ARHGAP15: variants seen among roughly 807,000 people sequenced by gnomAD.
The protein encoded by ARHGAP15 is rho GTPase-activating protein 15.
In ARHGAP15, 51 loss-of-function variants were observed where a neutral mutation model predicts 63.7. The observed-to-expected ratio is 0.80, with a 90% CI of 0.64 to 1.01. ARHGAP15 has a LOEUF of 1.01. Among genes scored for constraint, ARHGAP15 ranks in the 50% least tolerant of loss-of-function variants. The pLI is 0.00. For missense variants in ARHGAP15, 560 were observed against 564.6 expected (o/e 0.99, Z 0.08); for synonymous variants, 191 against 193.8 (o/e 0.99, Z 0.12).
chr2:143,429,548 T>C (rs985975870), intron 6 of ARHGAP15, among the ~76,000 whole-genome samples: 1 of 152,136 alleles, frequency 6.6e-6, no homozygotes, highest in African/African-American at 2.4e-5. Context: ...GCAGGTTATT[T>C]TGATATGATG....
intron 9 of ARHGAP15, among the ~76,000 whole-genome samples, chr2:143,494,398 CTG>C (rs1011228145): frequency 2.3e-4 from 35 of 152,228 alleles, no homozygotes; most frequent in East Asian, 3.9e-4. Flanking sequence ...AAAACAAAAA[CTG>C]TGTTGACCAC....
At chr2:143,455,416 G>A (rs1690602365) in intron 8 of ARHGAP15, among the ~76,000 whole-genome samples, 1 of 152,022 alleles carries the variant, frequency 6.6e-6, no homozygotes, top group Non-Finnish European at 1.5e-5. Flanking sequence ...AGGTCTTTGT[G>A]ACCTATACCT....
intron 13 of ARHGAP15, among the ~76,000 whole-genome samples, chr2:143,742,173 C>G (rs892862663): frequency 1.7e-4 from 26 of 152,194 alleles, no homozygotes; most frequent in South Asian, 4.1e-4. Flanking sequence ...AAAAGGAAAT[C>G]ACACTAATTA....
intron 8 of ARHGAP15, among the ~76,000 whole-genome samples, chr2:143,447,545 C>T (rs941264941): frequency 2.6e-5 from 4 of 152,098 alleles, no homozygotes; most frequent in Admixed American, 6.6e-5. Context: ...TCCTAGCTGA[C>T]CTAGCTTCAG....
At chr2:143,427,336 C>T (rs1198865320) in intron 6 of ARHGAP15, among the ~76,000 whole-genome samples, 1 of 152,102 alleles carries the variant, frequency 6.6e-6, no homozygotes, top group Admixed American at 6.6e-5. Flanking sequence ...GTAACTACTA[C>T]CTCCTCCCAC....
intron 12 of ARHGAP15, among the ~76,000 whole-genome samples, chr2:143,666,627 C>A (rs1224601981): frequency 8.6e-6 from 1 of 116,418 alleles, no homozygotes; most frequent in African/African-American, 3.0e-5. Flanking sequence ...TCAGAGTGAA[C>A]AGGCAACCTA....
intron 11 of ARHGAP15, chr2:143,606,913 T>C (rs1307900729): frequency 1.3e-5 from 2 of 152,198 alleles, no homozygotes; most frequent in Non-Finnish European, 2.9e-5. Flanking sequence ...AAACAATATT[T>C]GGAAAGCCAT....
intron 6 of ARHGAP15, among the ~76,000 whole-genome samples, chr2:143,254,130 A>C (rs1242417325): frequency 1.3e-5 from 2 of 152,166 alleles, no homozygotes; most frequent in Non-Finnish European, 2.9e-5. Flanking sequence ...ATTCCTGCTA[A>C]GTGCTAGTTT....
intron 2 of ARHGAP15, among the ~76,000 whole-genome samples, chr2:143,184,071 G>A (rs1691344261): frequency 6.6e-6 from 1 of 152,168 alleles, no homozygotes; most frequent in Non-Finnish European, 1.5e-5. Flanking sequence ...TGACACAGCC[G>A]CTGATGCAGC....
chr2:143,465,252 A>G lies in ARHGAP15; in HGVS notation c.704-22121A>G, dbSNP rs183305407. Among the ~76,000 whole-genome samples, 9 of 152,276 alleles carry G rather than the reference A, an allele frequency of 5.9e-5. No individual in the cohort carries two copies. In the East Asian group the frequency reaches 1.7e-3, roughly 29 times the overall value. Reference sequence around the variant, plus strand: ...GGAGAAGAGAATCAAGAGAGGGAGGACAAGAAGGAAAAGAGGAATAGTGGG... The same window carrying G: ...GGAGAAGAGAATCAAGAGAGGGAGGGCAAGAAGGAAAAGAGGAATAGTGGG... On this transcript the variant is annotated intron_variant, in intron 8 of 13. Transcript: ENST00000295095.
At chr2:143,599,824 T>A (rs1170863728) in intron 11 of ARHGAP15, among the ~76,000 whole-genome samples, 1 of 152,200 alleles carries the variant, frequency 6.6e-6, no homozygotes, top group Non-Finnish European at 1.5e-5. Context: ...ATTTCTTATA[T>A]TGTGTATCTG....
intron 8 of ARHGAP15, among the ~76,000 whole-genome samples, chr2:143,460,008 A>G (rs184258419): frequency 1.3e-5 from 2 of 152,282 alleles, no homozygotes; most frequent in South Asian, 2.1e-4. Context: ...GTAAGGGCTC[A>G]TTAAATATCT....
At chr2:143,219,523 C>T (rs912609301) in intron 4 of ARHGAP15, among the ~76,000 whole-genome samples, 6 of 152,198 alleles carry the variant, frequency 3.9e-5, no homozygotes, top group African/African-American at 7.2e-5. Flanking sequence ...TTCAATAAAT[C>T]GCACATATAT....
chr2:143,259,963 A>G (rs1329938238), intron 6 of ARHGAP15, among the ~76,000 whole-genome samples: 6 of 152,138 alleles, frequency 3.9e-5, no homozygotes, highest in African/African-American at 1.4e-4. Flanking sequence ...TATACATGAG[A>G]TGCTTTAATC....
At chr2:143,299,639 C>A (rs768074681) in intron 6 of ARHGAP15, among the ~76,000 whole-genome samples, 6 of 151,934 alleles carry the variant, frequency 3.9e-5, no homozygotes, top group Non-Finnish European at 5.9e-5. Flanking sequence ...TACTCTCTCT[C>A]CTTTTCCTGT....
chr2:143,555,950 GA>G (rs1482877961), intron 10 of ARHGAP15, among the ~76,000 whole-genome samples: 1 of 149,742 alleles, frequency 6.7e-6, no homozygotes, highest in African/African-American at 2.4e-5. Flanking sequence ...ATGGAGAGAA[GA>G]AAAAGAGCTG....
intron 6 of ARHGAP15, among the ~76,000 whole-genome samples, chr2:143,253,637 G>A (rs1680272904): frequency 6.6e-6 from 1 of 151,392 alleles, no homozygotes; most frequent in Admixed American, 6.6e-5. Context: ...GGCCTAATTG[G>A]TACTTCTTAA....
intron 12 of ARHGAP15, among the ~76,000 whole-genome samples, chr2:143,646,713 C>T (rs1312989776): frequency 7.9e-5 from 12 of 151,986 alleles, no homozygotes; most frequent in Non-Finnish European, 2.9e-5. Flanking sequence ...TGTCTACCCT[C>T]ATTTATCTAT....
chr2:143,653,097 G>A (rs555695092), intron 12 of ARHGAP15, among the ~76,000 whole-genome samples: 1 of 151,974 alleles, frequency 6.6e-6, no homozygotes, highest in East Asian at 1.9e-4. Context: ...ATAGATGCTG[G>A]ATTTTCTCAG....
Sources: allele counts gnomAD v4.1 joint callset (sites outside exome capture counted in the v4.1 genomes callset), GRCh38; gene constraint gnomAD v4.1.1; transcripts MANE v1.5; gene names NCBI Gene and HGNC (gene_info 2026-07-23, HGNC 2026-07-21).